Variants in FGF1 observed in about 807,000 individuals in gnomAD.
The protein encoded by FGF1 is fibroblast growth factor 1, also known as beta-endothelial cell growth factor.
Under a neutral mutation model 13.4 loss-of-function variants are expected in FGF1, and 9 were observed. The observed-to-expected ratio is 0.67, with a 90% CI of 0.40 to 1.17. FGF1 has a LOEUF of 1.17. Among genes scored for constraint, FGF1 ranks in the 50% most tolerant of loss-of-function variants. The pLI, the probability that FGF1 is intolerant of heterozygous loss-of-function variation, is 0.01. For synonymous variants in FGF1, 93 were observed against 79.0 expected (o/e 1.18, Z -0.94); for missense variants, 156 against 192.7 (o/e 0.81, Z 1.13).
At chr5:142,684,961 G>A (rs17216776) in intron 1 of FGF1, among the ~76,000 whole-genome samples, 41,414 of 151,928 alleles carry the variant, frequency 0.27, 5,761 homozygotes, top group Middle Eastern at 0.3. Flanking sequence ...TGGGGTGGTG[G>A]GTGGATGTAA....
At chr5:142,665,933 C>T (rs1770221201) in intron 1 of FGF1, among the ~76,000 whole-genome samples, 1 of 152,102 alleles carries the variant, frequency 6.6e-6, no homozygotes, top group Non-Finnish European at 1.5e-5. Flanking sequence ...TAATGACTTC[C>T]CCCTAGGTTG....
At chr5:142,656,814 C>T (rs2151988330) in intron 1 of FGF1, among the ~76,000 whole-genome samples, 1 of 152,232 alleles carries the variant, frequency 6.6e-6, no homozygotes, top group African/African-American at 2.4e-5. Context: ...TGTGTAGACA[C>T]ATAGATAGAA....
chr5:142,661,531 T>G (rs1769222340), intron 1 of FGF1, among the ~76,000 whole-genome samples: 1 of 152,172 alleles, frequency 6.6e-6, no homozygotes, highest in Admixed American at 6.5e-5. Context: ...AAAGAGTACA[T>G]TAATTTTCAT....
intron 1 of FGF1, among the ~76,000 whole-genome samples, chr5:142,666,676 G>A (rs1300407337): frequency 1.3e-5 from 2 of 152,288 alleles, no homozygotes; most frequent in Admixed American, 6.5e-5. Flanking sequence ...ACCAGTTCAC[G>A]CCTACAATCC....
intron 1 of FGF1, among the ~76,000 whole-genome samples, chr5:142,629,332 A>G: frequency 6.6e-6 from 1 of 152,068 alleles, no homozygotes; most frequent in Non-Finnish European, 1.5e-5. Context: ...ATTTAAAAAT[A>G]TATATATTTT....
chr5:142,624,849 A>G (rs540300986), intron 1 of FGF1, among the ~76,000 whole-genome samples: 18 of 152,262 alleles, frequency 1.2e-4, no homozygotes, highest in Non-Finnish European at 2.2e-4. Flanking sequence ...AAGTTCTTTC[A>G]TAACAGACTG....
chr5:142,638,884 G>A (rs553102213), intron 1 of FGF1, among the ~76,000 whole-genome samples: 1 of 152,062 alleles, frequency 6.6e-6, no homozygotes, highest in South Asian at 2.1e-4. Flanking sequence ...ATTCTCAAAA[G>A]AAGACATACA....
chr5:142,686,474 T>C (rs1751238634), upstream of FGF1: 1 of 152,102 alleles, frequency 6.6e-6, no homozygotes, highest in Admixed American at 6.6e-5. Context: ...TTGGGGCAAA[T>C]GTGTGAGCCG....
intron 2 of FGF1, among the ~76,000 whole-genome samples, chr5:142,602,396 C>A (rs928553342): frequency 2.6e-5 from 4 of 152,066 alleles, no homozygotes; most frequent in African/African-American, 9.7e-5. Context: ...AGGCTGGTCT[C>A]GAATTCCTGA....
chr5:142,601,161 C>A, intron 2 of FGF1: 1 of 508,080 alleles, frequency 2.0e-6, no homozygotes. Flanking sequence ...CACTCACTCC[C>A]CCGGGCTCCC....
intron 1 of FGF1, among the ~76,000 whole-genome samples, chr5:142,649,568 G>A (rs965990021): frequency 5.3e-5 from 8 of 152,068 alleles, no homozygotes; most frequent in Middle Eastern, 3.4e-3. Context: ...CACCACGCCC[G>A]GCTAATTTTT....
At chr5:142,630,096 G>A (rs149441206) in intron 1 of FGF1, among the ~76,000 whole-genome samples, 22 of 152,098 alleles carry the variant, frequency 1.4e-4, no homozygotes, top group African/African-American at 5.1e-4. Context: ...GTCTCACCAT[G>A]TTAGCCAGGA....
intron 1 of FGF1, among the ~76,000 whole-genome samples, chr5:142,638,283 C>T (rs1171058739): frequency 1.3e-5 from 2 of 151,982 alleles, no homozygotes; most frequent in African/African-American, 2.4e-5. Flanking sequence ...CTTGCTTTTC[C>T]GTTGGCATGG....
At chr5:142,640,808 A>C (rs1765083544) in intron 1 of FGF1, among the ~76,000 whole-genome samples, 1 of 151,890 alleles carries the variant, frequency 6.6e-6, no homozygotes, top group Admixed American at 6.5e-5. Flanking sequence ...TGTGGCAGTC[A>C]CTGTATCCTA....
intron 1 of FGF1, among the ~76,000 whole-genome samples, chr5:142,648,005 A>G (rs1300355152): frequency 6.6e-6 from 1 of 152,182 alleles, no homozygotes; most frequent in Non-Finnish European, 1.5e-5. Context: ...GAATCACTTG[A>G]ACCCAGGAGG....
At position 142,634,857 on chromosome 5, in the gene FGF1, G is replaced by A. The variant is rs1408582606; in HGVS notation, c.-34-20696C>T. On this transcript the variant is annotated intron_variant, in intron 1 of 3. Coordinates refer to ENST00000337706, the MANE Select transcript of FGF1 (RefSeq NM_000800.5). Reference sequence around the variant, plus strand: ...TGGAGAAGAGAAAATAGTTGCTTTGGTTATTGCTTTTTTTTTCTTTTTTTT... The same window carrying A: ...TGGAGAAGAGAAAATAGTTGCTTTGATTATTGCTTTTTTTTTCTTTTTTTT... 2.0e-5 allele frequency among the ~76,000 whole-genome samples: 3 copies of A among 151,256 alleles called. No individual in the cohort carries two copies. The East Asian group carries it at 5.8e-4, about 29-fold the overall frequency.
intron 2 of FGF1, among the ~76,000 whole-genome samples, chr5:142,612,724 G>T (rs74895771): frequency 6.6e-6 from 1 of 151,652 alleles, no homozygotes; most frequent in Admixed American, 6.6e-5. Context: ...AGCTAATTCT[G>T]CAGCTGCAAG....
chr5:142,652,933 G>C (rs761925159), intron 1 of FGF1, among the ~76,000 whole-genome samples: 1 of 152,206 alleles, frequency 6.6e-6, no homozygotes, highest in Admixed American at 6.5e-5. Flanking sequence ...AATAAGATTT[G>C]TTTTCTTTCA....
chr5:142,635,304 C>T (rs1004923166), intron 1 of FGF1, among the ~76,000 whole-genome samples: 1 of 152,192 alleles, frequency 6.6e-6, no homozygotes, highest in Non-Finnish European at 1.5e-5. Context: ...ACACCTGGCA[C>T]ATACTAAGGT....
Sources: allele counts gnomAD v4.1 joint callset (sites outside exome capture counted in the v4.1 genomes callset), GRCh38; gene constraint gnomAD v4.1.1; transcripts MANE v1.5; gene names NCBI Gene and HGNC (gene_info 2026-07-23, HGNC 2026-07-21).